Variants in LNX1 observed in about 807,000 individuals in gnomAD.
LNX1 encodes ligand of numb-protein X 1, also known as E3 ubiquitin-protein ligase LNX.
In LNX1, 54 loss-of-function variants were observed where a neutral mutation model predicts 68.4. The observed-to-expected ratio is 0.79, with a 90% CI of 0.63 to 0.99. The LOEUF (loss-of-function observed/expected upper bound fraction) is 0.99, where lower values mean the gene tolerates loss of function less well. Among genes scored for constraint, LNX1 ranks in the 50% least tolerant of loss-of-function variants. The pLI, the probability that LNX1 is intolerant of heterozygous loss-of-function variation, is 0.00. For missense variants in LNX1, 906 were observed against 926.4 expected, an observed-to-expected ratio of 0.98 and a Z score of 0.29; for synonymous variants, 336 against 350.0, an observed-to-expected ratio of 0.96 and a Z score of 0.45.
intron 9 of LNX1, among the ~76,000 whole-genome samples, chr4:53,463,138 T>C (rs1722314552): frequency 6.6e-6 from 1 of 152,152 alleles, no homozygotes; most frequent in African/African-American, 2.4e-5. Flanking sequence ...AATATTTTAT[T>C]TCATATGGAG....
At chr4:53,573,194 C>A (rs1304656982) in intron 2 of LNX1, among the ~76,000 whole-genome samples, 7 of 152,048 alleles carry the variant, frequency 4.6e-5, no homozygotes, top group African/African-American at 1.7e-4. Flanking sequence ...GCAGTCATAT[C>A]CATGGAGACA....
chr4:53,517,608 C>T (rs1726884079), intron 2 of LNX1, among the ~76,000 whole-genome samples: 1 of 152,200 alleles, frequency 6.6e-6, no homozygotes, highest in East Asian at 1.9e-4. Flanking sequence ...CTACGTGTCA[C>T]CTCAACTCAC....
intron 1 of LNX1, among the ~76,000 whole-genome samples, chr4:53,648,412 G>A (rs1318816120): frequency 6.6e-6 from 1 of 152,104 alleles, no homozygotes; most frequent in East Asian, 1.9e-4. Flanking sequence ...ATCTTCTTTG[G>A]AGAAATGTCC....
chr4:53,533,753 G>A (rs1728181006), intron 2 of LNX1, among the ~76,000 whole-genome samples: 1 of 152,198 alleles, frequency 6.6e-6, no homozygotes, highest in Admixed American at 6.5e-5. Context: ...CATGTAGGGG[G>A]TAGAGGACAG....
chr4:53,569,902 C>A (rs1309266410), intron 2 of LNX1, among the ~76,000 whole-genome samples: 1 of 150,440 alleles, frequency 6.6e-6, no homozygotes, highest in Admixed American at 6.6e-5. Context: ...AGCCAAAAAA[C>A]ACATGAAAAA....
intron 2 of LNX1, among the ~76,000 whole-genome samples, chr4:53,521,382 G>A (rs1279808296): frequency 5.9e-5 from 9 of 152,082 alleles, no homozygotes; most frequent in African/African-American, 1.4e-4. Context: ...GCATTCCATC[G>A]CATTCTCAGA....
chr4:53,571,698 T>A (rs1731183467), intron 2 of LNX1, among the ~76,000 whole-genome samples: 1 of 152,048 alleles, frequency 6.6e-6, no homozygotes, highest in Non-Finnish European at 1.5e-5. Context: ...AGTCTCACTT[T>A]GTCACTTAGG....
chr4:53,478,485 G>A, intron 8 of LNX1, 80 bp downstream of exon 8: 2 of 1,271,260 alleles, frequency 1.6e-6, no homozygotes, highest in South Asian at 1.5e-5. Flanking sequence ...CATTAATTTT[G>A]AAAATAGTCA....
intron 1 of LNX1, among the ~76,000 whole-genome samples, chr4:53,616,970 G>A (rs1335322879): frequency 2.0e-5 from 3 of 152,220 alleles, no homozygotes; most frequent in South Asian, 2.1e-4. Context: ...AGCTACAATC[G>A]TCAAAGCTTT....
chr4:53,495,101 C>T (rs1358997772), intron 6 of LNX1, among the ~76,000 whole-genome samples: 1 of 152,110 alleles, frequency 6.6e-6, no homozygotes, highest in Non-Finnish European at 1.5e-5. Flanking sequence ...CAATAGCATG[C>T]TTGTGATGCC....
At chr4:53,486,602 G>A (rs1163530626) in intron 6 of LNX1, among the ~76,000 whole-genome samples, 2 of 152,132 alleles carry the variant, frequency 1.3e-5, no homozygotes, top group African/African-American at 2.4e-5. Flanking sequence ...GGAGTGCCAT[G>A]AAAGAGAAAT....
chr4:53,583,590 A>G (rs1175200914), intron 1 of LNX1, among the ~76,000 whole-genome samples: 3 of 152,214 alleles, frequency 2.0e-5, no homozygotes, highest in African/African-American at 4.8e-5. Flanking sequence ...TAAAGAGGTC[A>G]GAAACATGTC....
chr4:53,628,801 A>G (rs944209819), intron 1 of LNX1, among the ~76,000 whole-genome samples: 2 of 152,186 alleles, frequency 1.3e-5, no homozygotes, highest in African/African-American at 4.8e-5. Flanking sequence ...AGCCATAAAA[A>G]GAAATGAAAT....
intron 1 of LNX1, among the ~76,000 whole-genome samples, chr4:53,646,667 C>T (rs1323784979): frequency 6.6e-6 from 1 of 152,100 alleles, no homozygotes; most frequent in Non-Finnish European, 1.5e-5. Flanking sequence ...TGTTTAGTAG[C>T]TAATATAAAA....
At chr4:53,611,226 A>T (rs1430134024) in intron 2 of LNX1, among the ~76,000 whole-genome samples, 1 of 152,170 alleles carries the variant, frequency 6.6e-6, no homozygotes, top group Non-Finnish European at 1.5e-5. Context: ...GAATGAAAAA[A>T]AAAGTCTAAA....
At position 53,460,815 on chromosome 4, in the gene LNX1, C is replaced by A. The variant is rs1478462250; in HGVS notation, c.*92G>T. 2.3e-5 allele frequency: 29 copies of A among 1,243,650 alleles called. No homozygotes were observed. The highest frequency in any genetic ancestry group is 3.2e-5 in the Non-Finnish European group (28 of 888,050). The allele number at this position is 1,243,650 out of a possible 1,614,324, so 77.0% of individuals were successfully genotyped here. On this transcript the variant is annotated 3_prime_UTR_variant, in exon 11 of 11. Transcript: ENST00000263925. ...CTGACATTTTTACAATGTATTCTTT[C>A]TTTAAATATAAAAACTGACAAGATA...
Position 53,459,815 on chromosome 4 carries a change from A to G in LNX1, c.*1092T>C. 1 of 294,764 alleles carries G rather than the reference A, an allele frequency of 3.4e-6. No homozygotes were observed. The highest frequency in any genetic ancestry group is 6.4e-6 in the Non-Finnish European group (1 of 156,478). 18.3% of individuals were successfully genotyped at this position (294,764 alleles called of 1,614,324 possible). On this transcript the variant is annotated 3_prime_UTR_variant, in exon 11 of 11. Transcript: ENST00000263925. ...GTTAATCAAACACCACTCTCTTAAG[A>G]GGCTGCATCACAAAAGGCAACAAAG...
intron 2 of LNX1, among the ~76,000 whole-genome samples, chr4:53,553,308 G>A (rs979072397): frequency 6.6e-6 from 1 of 152,162 alleles, no homozygotes; most frequent in African/African-American, 2.4e-5. Flanking sequence ...TGGGGAGTTT[G>A]TCAAGAATGA....
chr4:53,574,560 T>A (rs1352836918), intron 1 of LNX1, among the ~76,000 whole-genome samples: 1 of 152,198 alleles, frequency 6.6e-6, no homozygotes, highest in Non-Finnish European at 1.5e-5. Flanking sequence ...AACTAAGTCA[T>A]CTGAGAGAAA....
Sources: allele counts gnomAD v4.1 joint callset (sites outside exome capture counted in the v4.1 genomes callset), GRCh38; gene constraint gnomAD v4.1.1; transcripts MANE v1.5; gene names NCBI Gene and HGNC (gene_info 2026-07-23, HGNC 2026-07-21).